The following CAMK1 variants were observed in gnomAD, a reference collection of about 807,000 sequenced individuals.
CAMK1 encodes the protein calcium/calmodulin-dependent protein kinase type 1.
CAMK1 carries 39 observed loss-of-function variants against 49.1 expected under a neutral mutation model. That is an observed-to-expected ratio of 0.79 (90% CI 0.62 to 1.04). The LOEUF (loss-of-function observed/expected upper bound fraction) is 1.04, where lower values mean the gene tolerates loss of function less well. Among genes scored for constraint, CAMK1 ranks in the 50% least tolerant of loss-of-function variants. The pLI, the probability that CAMK1 is intolerant of heterozygous loss-of-function variation, is 0.00. For synonymous variants in CAMK1, 192 were observed against 185.2 expected, an observed-to-expected ratio of 1.04 and a Z score of -0.30; for missense variants, 457 against 472.2, an observed-to-expected ratio of 0.97 and a Z score of 0.30.
At chr3:9,761,339 G>T in intron 7 of CAMK1, 122 bp downstream of exon 7, 2 of 954,276 alleles carry the variant, frequency 2.1e-6, no homozygotes, top group Non-Finnish European at 3.2e-6. Flanking sequence ...GTAATTGATT[G>T]GTGGAAGGAA....
At chr3:9,767,564 G>T (rs2125597326) in intron 2 of CAMK1, 103 bp downstream of exon 2, 1 of 1,465,370 alleles carries the variant, frequency 6.8e-7, no homozygotes, top group East Asian at 2.3e-5. Flanking sequence ...CTGCCACAGG[G>T]CCTGGGCTGT....
chr3:9,762,597 T>G (rs1001436923), intron 5 of CAMK1, among the ~76,000 whole-genome samples: 14 of 152,012 alleles, frequency 9.2e-5, no homozygotes, highest in African/African-American at 3.1e-4. Context: ...CGAACTGACC[T>G]CAGGTGATCC....
chr3:9,761,847 A>G, intron 5 of CAMK1, 90 bp from the exon 6 acceptor site: 1 of 1,534,794 alleles, frequency 6.5e-7, no homozygotes, highest in Non-Finnish European at 8.7e-7. Flanking sequence ...TCTGAGAAAT[A>G]ATGGATCCCC....
chr3:9,760,208 A>C (rs879533999), intron 8 of CAMK1: 11 of 187,738 alleles, frequency 5.9e-5, no homozygotes, highest in Non-Finnish European at 1.2e-4. Flanking sequence ...GTGCCACTGC[A>C]CTCCAGCCTG....
chr3:9,768,169 C>T (rs1164113172), intron 1 of CAMK1, among the ~76,000 whole-genome samples: 2 of 152,038 alleles, frequency 1.3e-5, no homozygotes. Context: ...CAGTGATGTC[C>T]CCGCCCCACC....
At chr3:9,760,093 A>T (rs2077778381) in intron 8 of CAMK1, 1 of 225,872 alleles carries the variant, frequency 4.4e-6, no homozygotes, top group Non-Finnish European at 9.0e-6. Context: ...ATACAAAAAA[A>T]ATTAGCCGGG....
chr3:9,768,902 G>A (rs567216266), intron 1 of CAMK1, among the ~76,000 whole-genome samples: 3 of 152,118 alleles, frequency 2.0e-5, no homozygotes, highest in African/African-American at 7.2e-5. Flanking sequence ...AAGGAGACTC[G>A]AGTGTAAGCT....
chr3:9,765,070 TA>T (rs1199784841), intron 3 of CAMK1, among the ~76,000 whole-genome samples: 2 of 151,266 alleles, frequency 1.3e-5, no homozygotes, highest in Non-Finnish European at 2.9e-5. Flanking sequence ...CTACTAAAAA[TA>T]CAAAAATTAG....
At chr3:9,759,263 A>G (rs752444562) in intron 10 of CAMK1, 3 of 1,613,736 alleles carry the variant, frequency 1.9e-6, no homozygotes, top group Non-Finnish European at 8.5e-7. Context: ...GAAGAATTAC[A>G]GACTTCTTCC....
chr3:9,758,945 A>G (rs1279228794), intron 10 of CAMK1: 2 of 480,882 alleles, frequency 4.2e-6, no homozygotes, highest in Non-Finnish European at 7.6e-6. Flanking sequence ...AGCCCTTTCT[A>G]TGCAGCAAAT....
chr3:9,759,301 C>A, intron 10 of CAMK1, 187 bp downstream of exon 10: 2 of 1,600,826 alleles, frequency 1.2e-6, no homozygotes, highest in South Asian at 1.1e-5. Flanking sequence ...GGGACCCTCT[C>A]TGGAATAGAG....
In CAMK1 at chr3:9,760,698, A is replaced by G; in HGVS notation, c.703T>C (p.Tyr235His). The change falls in exon 8 of 12, where the codon TAC becomes CAC. Residue 235 changes from tyrosine (Y) to histidine (H), a missense_variant. Tyr to His is a moderately conservative substitution (Grantham distance 83). Transcript: ENST00000256460. ...TCCCAGTAAGGAGAGTCAAACTCGT[A>G]CTCGGCCTTCAAAATCTGTTCAAAG... The part of the protein sequence containing the change: ...KLFEQILKAE[Y>H]EFDSPYWDDI... 6.2e-7 allele frequency: 1 copy of G among 1,614,052 alleles called. No homozygotes were observed. Among genetic ancestry groups the G allele is most frequent in the Non-Finnish European group, 8.5e-7 (1 of 1,179,986 alleles).
intron 2 of CAMK1, 62 bp from the exon 3 acceptor site, chr3:9,765,952 C>G: frequency 6.2e-7 from 1 of 1,614,214 alleles, no homozygotes; most frequent in Non-Finnish European, 8.5e-7. Context: ...CCAGCCTCTC[C>G]TCCATTCCCT....
chr3:9,768,421 TG>T (rs757247971), intron 1 of CAMK1, among the ~76,000 whole-genome samples: 7 of 152,346 alleles, frequency 4.6e-5, no homozygotes, highest in African/African-American at 7.2e-5. Context: ...TGTCCCTTCC[TG>T]GCCCCATCTA....
At position 9,765,894 on chromosome 3, in the gene CAMK1, T is replaced by G. The variant is rs752166491; in HGVS notation, c.84-4A>C. On this transcript the variant is annotated splice_polypyrimidine_tract_variant and splice_region_variant and intron_variant, in intron 2 of 11. Transcript: ENST00000256460. ...GATCACCTCCGAGAAGGCCCCCCTA[T>G]CGGGAGAGGGGATTCACAAGGTGAA... 17 of 1,613,776 alleles carry G rather than the reference T, an allele frequency of 1.1e-5. No individual in the cohort carries two copies. The highest frequency in any genetic ancestry group is 1.4e-5 in the Non-Finnish European group (16 of 1,179,986).
chr3:9,765,948 TCTC>T, intron 2 of CAMK1, 58 bp from the exon 3 acceptor site: 1 of 1,614,002 alleles, frequency 6.2e-7, no homozygotes, highest in Non-Finnish European at 8.5e-7. Flanking sequence ...CCCTCCAGCC[TCTC>T]CTCCATTCCC....
At chr3:9,766,524 C>T in intron 2 of CAMK1, 1 of 443,344 alleles carries the variant, frequency 2.3e-6, no homozygotes, top group Non-Finnish European at 3.7e-6. Flanking sequence ...TAGGCCCTGC[C>T]CCAGATTTAC....
At position 9,757,353 on chromosome 3, in the gene CAMK1, T is replaced by C. The variant is rs1169877557; in HGVS notation, c.*186A>G. The C allele has an allele frequency of 2.5e-6, 4 of 1,614,116 alleles. No homozygotes were observed. In the Admixed American group the frequency reaches 5.0e-5, roughly 20 times the overall value. On this transcript the variant is annotated 3_prime_UTR_variant, in exon 12 of 12. Coordinates refer to ENST00000256460, the MANE Select transcript of CAMK1 (RefSeq NM_003656.5). This position sits in a 1 kb window ranked among gnomAD's most constrained non-coding sequence, Gnocchi z 4.5. ...AGGGAGACAGCGCTAAGGATGGTTTTATCTTCCCTTTATTACAAGAAGGAA... is the reference window on the plus strand; with the variant it reads ...AGGGAGACAGCGCTAAGGATGGTTTCATCTTCCCTTTATTACAAGAAGGAA...
Position 9,759,812 on chromosome 3 carries a change from G to T in CAMK1, c.746-62C>A, listed in dbSNP as rs747857371. On this transcript the variant is annotated intron_variant, in intron 8 of 11. Transcript: ENST00000256460. The stretch of plus-strand genomic sequence containing the variant: ...ATGGTACTGCCTGTGTACTCCCCAA[G>T]AGCATACCCACTCCCTCAGGTCTGG... 5 of 1,613,358 alleles carry T rather than the reference G, an allele frequency of 3.1e-6. No homozygotes were observed. The Admixed American group carries it at 8.3e-5, about 27-fold the overall frequency.
Sources: allele counts gnomAD v4.1 joint callset (sites outside exome capture counted in the v4.1 genomes callset), GRCh38; gene constraint gnomAD v4.1.1; non-coding constraint Gnocchi (gnomAD v3.1); transcripts MANE v1.5; gene names NCBI Gene and HGNC (gene_info 2026-07-23, HGNC 2026-07-21).